Variants in BRSK2 observed in about 807,000 individuals in gnomAD.
The protein encoded by BRSK2 is BR serine/threonine kinase 2.
A neutral mutation model predicts 83.3 loss-of-function variants in BRSK2; 19 were observed. The ratio of observed to expected loss-of-function variants is 0.23; its 90% CI spans 0.16 to 0.33. BRSK2 has a LOEUF of 0.33. Ranked by LOEUF, BRSK2 falls within the 10% of genes least tolerant of loss-of-function variation. The pLI is 1.00. For missense variants in BRSK2, 798 were observed against 1,042.3 expected, an observed-to-expected ratio of 0.77 and a Z score of 3.23; for synonymous variants, 519 against 435.4, an observed-to-expected ratio of 1.19 and a Z score of -2.39.
intron 1 of BRSK2, among the ~76,000 whole-genome samples, chr11:1,395,511 A>T (rs1421657176): frequency 1.3e-5 from 2 of 152,056 alleles, no homozygotes. Context: ...GGCCCTTGGC[A>T]CAGAGGTTCC....
chr11:1,449,281 G>A (rs1447098518), intron 12 of BRSK2, among the ~76,000 whole-genome samples: 1 of 152,196 alleles, frequency 6.6e-6, no homozygotes, highest in African/African-American at 2.4e-5. Context: ...TCCTGGTTGT[G>A]GACAAGGGAA....
At chr11:1,435,326 G>C (rs1452794412) in intron 1 of BRSK2, among the ~76,000 whole-genome samples, 4 of 14 alleles carry the variant, frequency 0.29, no homozygotes, top group Non-Finnish European at 0.38. Flanking sequence ...CTCGGCGGAG[G>C]AGGGGTGCCG....
rs539255199 is a variant in BRSK2 at position 1,449,800 on chromosome 11, C to T, written c.1251C>T (p.Ser417=). The T allele has an allele frequency of 8.1e-6, 13 of 1,612,344 alleles. No individual in the cohort carries two copies. In the South Asian group the frequency reaches 1.4e-4, roughly 18 times the overall value. ...GQRSRSISGA[S]SGLSTSPLSS... is the part of the protein sequence containing the mutation. Reference sequence around the variant, plus strand: ...GGTCTCGGTCCATCAGCGGTGCCTCCTCAGGCCTTTCCACCAGCCCACTCA... The same window carrying T: ...GGTCTCGGTCCATCAGCGGTGCCTCTTCAGGCCTTTCCACCAGCCCACTCA... Residue 417 remains serine (S), a synonymous_variant, in exon 13 of 20, where the codon TCC becomes TCT. Coordinates refer to ENST00000528841, the MANE Select transcript of BRSK2 (RefSeq NM_001256627.2).
At chr11:1,401,439 C>T (rs1202307672) in intron 1 of BRSK2, among the ~76,000 whole-genome samples, 2 of 152,216 alleles carry the variant, frequency 1.3e-5, no homozygotes, top group African/African-American at 2.4e-5. Context: ...CAGTCCCCCA[C>T]CTTCCTGCAC....
intron 1 of BRSK2, among the ~76,000 whole-genome samples, chr11:1,402,724 A>G (rs1590324136): frequency 6.6e-6 from 1 of 152,178 alleles, no homozygotes; most frequent in South Asian, 2.1e-4. Flanking sequence ...ACTGAGGCCC[A>G]CAGCCCCTCA....
intron 18 of BRSK2, among the ~76,000 whole-genome samples, chr11:1,457,652 G>T (rs1248234848): frequency 6.6e-6 from 1 of 152,124 alleles, no homozygotes; most frequent in Non-Finnish European, 1.5e-5. Flanking sequence ...GACCCTGGGG[G>T]TCCCCTCTCC....
chr11:1,447,928 G>C, intron 12 of BRSK2: 2 of 1,467,492 alleles, frequency 1.4e-6, no homozygotes, highest in East Asian at 2.4e-5. Context: ...GCCTCAGGCC[G>C]GGCAGGCACA....
At chr11:1,418,526 C>T (rs547202521) in intron 1 of BRSK2, among the ~76,000 whole-genome samples, 1 of 135,186 alleles carries the variant, frequency 7.4e-6, no homozygotes, top group East Asian at 2.3e-4. Context: ...GAGTGGGTCA[C>T]CTGTGTCCTG....
intron 8 of BRSK2, 75 bp downstream of exon 8, chr11:1,443,710 A>C (rs559494417): frequency 1.5e-6 from 2 of 1,376,050 alleles, no homozygotes; most frequent in Non-Finnish European, 1.9e-6. Flanking sequence ...CTGTGTGTGC[A>C]CAGGTGTGTG....
In BRSK2 at chr11:1,404,747, G is replaced by A. The variant is rs1357407964; in HGVS notation, c.91+14372G>A. On this transcript the variant is annotated intron_variant, in intron 1 of 19. Coordinates refer to ENST00000528841, the MANE Select transcript of BRSK2 (RefSeq NM_001256627.2). Reference sequence around the variant, plus strand: ...TGCCTCTCCCCTCTCTGCCCTTCCCGCAAGCCGCCCGCTACCCACTGCCCA... The same window carrying A: ...TGCCTCTCCCCTCTCTGCCCTTCCCACAAGCCGCCCGCTACCCACTGCCCA... Among the ~76,000 whole-genome samples the A allele has an allele frequency of 1.1e-4, 17 of 152,278 alleles. No homozygotes were observed. In the South Asian group the frequency reaches 1.7e-3, roughly 15 times the overall value.
chr11:1,424,904 G>A (rs1849029701), intron 1 of BRSK2, among the ~76,000 whole-genome samples: 1 of 152,190 alleles, frequency 6.6e-6, no homozygotes, highest in Admixed American at 6.5e-5. Context: ...AGCACCTCGT[G>A]GGCCCAGAGT....
In BRSK2 at chr11:1,408,604, G is replaced by A. The variant is rs557390869; in HGVS notation, c.91+18229G>A. ...CCCTGTGGCTGCCATCCTGACAGGC[G>A]GAATTCATCGCAGACCCTCAACCTG... On this transcript the variant is annotated intron_variant, in intron 1 of 19. Transcript: ENST00000528841. 1.1e-4 allele frequency among the ~76,000 whole-genome samples: 17 copies of A among 152,302 alleles called. No homozygotes were observed. The East Asian group carries it at 1.4e-3, about 12-fold the overall frequency.
At chr11:1,411,636 G>T in intron 1 of BRSK2, 1 of 1,542,080 alleles carries the variant, frequency 6.5e-7, no homozygotes, top group Non-Finnish European at 8.7e-7. Flanking sequence ...CCCAGCAGGT[G>T]CGTGCCACGC....
In BRSK2 at chr11:1,415,540, G is replaced by A. The variant is rs562489806; in HGVS notation, c.92-20500G>A. Among the ~76,000 whole-genome samples, 32 of 152,320 alleles carry A rather than the reference G, an allele frequency of 2.1e-4. No homozygotes were observed. The South Asian group carries it at 5.8e-3, about 28-fold the overall frequency. ...GCTAAGATTACAGGCTTGAGCCACT[G>A]CACCTGGCTTGTGTTTAACTTTGAG... On this transcript the variant is annotated intron_variant, in intron 1 of 19. Transcript: ENST00000528841.
chr11:1,445,175 G>A, intron 9 of BRSK2, 119 bp from the exon 10 acceptor site: 3 of 1,478,528 alleles, frequency 2.0e-6, no homozygotes, highest in East Asian at 2.3e-5. Context: ...GGCCTCCCCG[G>A]GCTGGGCACA....
Position 1,456,590 on chromosome 11 carries a change from T to A in BRSK2, c.1850-8T>A, listed in dbSNP as rs868462794. On this transcript the variant is annotated splice_region_variant and splice_polypyrimidine_tract_variant and intron_variant, in intron 17 of 19. Transcript: ENST00000528841. ...CCCGTCCAGGGCATAACCCCCTGTC[T>A]CCCCTAGGCCCCAGCCGTCGCTTCA... 1.2e-6 allele frequency: 2 copies of A among 1,609,656 alleles called. No individual in the cohort carries two copies. The highest frequency in any genetic ancestry group is 1.3e-5 in the African/African-American group (1 of 74,992).
intron 15 of BRSK2, among the ~76,000 whole-genome samples, chr11:1,453,640 G>C (rs920501339): frequency 6.6e-6 from 1 of 152,254 alleles, no homozygotes; most frequent in African/African-American, 2.4e-5. Flanking sequence ...CACAGTGGCC[G>C]AGGAGGCAGC....
At position 1,454,747 on chromosome 11, in the gene BRSK2, GGCC is replaced by G; in HGVS notation, c.1668+143_1668+145del. The G allele has an allele frequency of 8.6e-7, 1 of 1,169,488 alleles. No homozygotes were observed. The highest frequency in any genetic ancestry group is 2.4e-5 in the Admixed American group (1 of 41,930). 72.4% of individuals were successfully genotyped at this position (1,169,488 alleles called of 1,614,324 possible). On this transcript the variant is annotated intron_variant, in intron 16 of 19. Transcript: ENST00000528841. This position sits in a 1 kb window ranked among gnomAD's most constrained non-coding sequence, Gnocchi z 5.2. ...CGTCCGCTCACCCGTGGGCCTGCCT[GGCC>G]GCCTTCACTGGACAGGCGCTCTCTC...
At chr11:1,397,985 C>T (rs773184977) in intron 1 of BRSK2, among the ~76,000 whole-genome samples, 22 of 152,194 alleles carry the variant, frequency 1.4e-4, no homozygotes, top group Admixed American at 5.9e-4. Flanking sequence ...TTCCCGGCCC[C>T]GGGCAGAGGT....
Sources: allele counts gnomAD v4.1 joint callset (sites outside exome capture counted in the v4.1 genomes callset), GRCh38; gene constraint gnomAD v4.1.1; non-coding constraint Gnocchi (gnomAD v3.1); transcripts MANE v1.5; gene names NCBI Gene and HGNC (gene_info 2026-07-23, HGNC 2026-07-21).